Variants in SNTG2 observed in about 807,000 individuals in gnomAD.
SNTG2 encodes the protein syntrophin gamma 2.
Under a neutral mutation model 70.9 loss-of-function variants are expected in SNTG2, and 74 were observed. The ratio of observed to expected loss-of-function variants is 1.04; its 90% CI spans 0.86 to 1.27. The LOEUF (loss-of-function observed/expected upper bound fraction) is 1.27. Ranked by LOEUF, SNTG2 falls within the 50% of genes most tolerant of loss-of-function variation. The pLI is 0.00. For synonymous variants in SNTG2, 278 were observed against 273.8 expected, an observed-to-expected ratio of 1.02 and a Z score of -0.15; for missense variants, 717 against 690.7, an observed-to-expected ratio of 1.04 and a Z score of -0.43.
chr2:1,018,230 G>A (rs913357164), intron 1 of SNTG2, among the ~76,000 whole-genome samples: 2 of 152,094 alleles, frequency 1.3e-5, no homozygotes, highest in African/African-American at 2.4e-5. Context: ...TGGCTCTTAC[G>A]TTCTGTTCAG....
At chr2:1,060,596 G>A (rs1662756408) in intron 1 of SNTG2, among the ~76,000 whole-genome samples, 1 of 152,230 alleles carries the variant, frequency 6.6e-6, no homozygotes. Context: ...AGTGACAGGT[G>A]TAAAGGGCAG....
intron 1 of SNTG2, among the ~76,000 whole-genome samples, chr2:967,423 G>A (rs1660603633): frequency 6.6e-6 from 1 of 152,182 alleles, no homozygotes; most frequent in African/African-American, 2.4e-5. Context: ...TTTATCAGGA[G>A]TGGATGTTGA....
At position 1,237,763 on chromosome 2, in the gene SNTG2, G is replaced by A. The variant is rs1448508625; in HGVS notation, c.720-125G>A. ...TGACTGTACTGAGGCGCCTGAGGAA[G>A]TGGTGCAGTTGCCCCATGTCCTGGG... is the stretch of plus-strand genomic sequence containing the variant. On this transcript the variant is annotated intron_variant, in intron 9 of 16. Coordinates refer to ENST00000308624, the MANE Select transcript of SNTG2 (RefSeq NM_018968.4). 2.2e-5 allele frequency: 27 copies of A among 1,222,114 alleles called. No individual in the cohort carries two copies. In the South Asian group the frequency reaches 3.0e-4, roughly 14 times the overall value. The allele number at this position is 1,222,114 out of a possible 1,614,324, so 75.7% of individuals were successfully genotyped here. A position where few individuals can be genotyped will look rare whatever the true frequency, so the allele number is the denominator to read the frequency against.
intron 4 of SNTG2, among the ~76,000 whole-genome samples, chr2:1,105,471 C>T (rs1470575056): frequency 6.6e-6 from 1 of 152,214 alleles, no homozygotes; most frequent in Non-Finnish European, 1.5e-5. Flanking sequence ...CCCGCCAAGG[C>T]TCACACGTCA....
At chr2:1,188,222 T>C (rs145576120) in intron 8 of SNTG2, among the ~76,000 whole-genome samples, 169 of 152,170 alleles carry the variant, frequency 1.1e-3, no homozygotes, top group African/African-American at 4.0e-3. Context: ...TTATAATAGG[T>C]ATGCCTAGTA....
chr2:1,066,015 G>T (rs892244478), intron 1 of SNTG2, among the ~76,000 whole-genome samples: 4 of 152,112 alleles, frequency 2.6e-5, no homozygotes, highest in African/African-American at 9.7e-5. Context: ...TTATTAGTTT[G>T]GTGCAAAAGA....
At chr2:1,286,487 T>C (rs1016856757) in intron 14 of SNTG2, among the ~76,000 whole-genome samples, 3 of 152,216 alleles carry the variant, frequency 2.0e-5, no homozygotes, top group African/African-American at 4.8e-5. Context: ...AGCATGAGCC[T>C]ACTGCCACAC....
intron 12 of SNTG2, among the ~76,000 whole-genome samples, chr2:1,250,603 A>C (rs1677698157): frequency 1.0e-5 from 1 of 96,942 alleles, no homozygotes; most frequent in African/African-American, 4.1e-5. Context: ...TCTCTGTCTG[A>C]CTCTATTTCT....
chr2:1,075,245 G>T (rs1467644586), intron 1 of SNTG2, among the ~76,000 whole-genome samples: 1 of 152,200 alleles, frequency 6.6e-6, no homozygotes, highest in Non-Finnish European at 1.5e-5. Context: ...GGCACTGTTG[G>T]CCTCTTGGGA....
At chr2:999,243 A>T (rs1661788253) in intron 1 of SNTG2, among the ~76,000 whole-genome samples, 1 of 152,144 alleles carries the variant, frequency 6.6e-6, no homozygotes, top group Non-Finnish European at 1.5e-5. Flanking sequence ...CTACAAAGCA[A>T]CTAGGGAACA....
chr2:950,877 G>A lies in SNTG2; in HGVS notation c.-120G>A. 2.9e-6 allele frequency: 1 copy of A among 339,438 alleles called. No homozygotes were observed. The highest frequency in any genetic ancestry group is 4.8e-6 in the Non-Finnish European group (1 of 209,938). The allele number at this position is 339,438 out of a possible 1,614,324, so 21.0% of individuals were successfully genotyped here. On this transcript the variant is annotated 5_prime_UTR_variant, in exon 1 of 17. Coordinates refer to ENST00000308624, the MANE Select transcript of SNTG2 (RefSeq NM_018968.4). ...CCTGCGCCCCGGTGGAGCCCGAGCC[G>A]GAGCCGGCAGAGGGGCGCGGGCGCG... is the stretch of plus-strand genomic sequence containing the variant.
chr2:979,346 A>C (rs62106769), intron 1 of SNTG2, among the ~76,000 whole-genome samples: 11,023 of 152,230 alleles, frequency 0.072, 638 homozygotes, highest in South Asian at 0.2. Context: ...ATTCAAGGAG[A>C]TAATTGATTA....
At chr2:982,670 C>T (rs764900485) in intron 1 of SNTG2, among the ~76,000 whole-genome samples, 10 of 152,210 alleles carry the variant, frequency 6.6e-5, no homozygotes, top group South Asian at 4.1e-4. Flanking sequence ...AAAGAAGCAG[C>T]GTGGACAGGA....
chr2:1,066,437 C>G (rs1042722912), intron 1 of SNTG2, among the ~76,000 whole-genome samples: 1 of 151,226 alleles, frequency 6.6e-6, no homozygotes, highest in Non-Finnish European at 1.5e-5. Context: ...GTTCTCGGTG[C>G]GTCTCATCGA....
At chr2:1,165,663 G>T in intron 7 of SNTG2, 28 bp downstream of exon 7, 1 of 1,569,716 alleles carries the variant, frequency 6.4e-7, no homozygotes, top group South Asian at 1.2e-5. Flanking sequence ...AAATGCCAGG[G>T]TGCTGGAGAA....
chr2:981,698 C>T (rs552851703), intron 1 of SNTG2, among the ~76,000 whole-genome samples: 2 of 152,198 alleles, frequency 1.3e-5, no homozygotes, highest in African/African-American at 2.4e-5. Context: ...CACACATATA[C>T]ACATGCACAC....
At chr2:1,222,553 G>A (rs1367883283) in intron 9 of SNTG2, among the ~76,000 whole-genome samples, 1 of 86,260 alleles carries the variant, frequency 1.2e-5, no homozygotes, top group Non-Finnish European at 2.4e-5. Context: ...TCGCTGTAGA[G>A]GAAAGCGGTG....
At chr2:1,326,132 C>T (rs1349511316) in intron 16 of SNTG2, among the ~76,000 whole-genome samples, 1 of 152,016 alleles carries the variant, frequency 6.6e-6, no homozygotes, top group Non-Finnish European at 1.5e-5. Flanking sequence ...TGCACCCAGC[C>T]GGCATATCAG....
At chr2:1,047,731 T>C (rs938457808) in intron 1 of SNTG2, among the ~76,000 whole-genome samples, 1 of 152,216 alleles carries the variant, frequency 6.6e-6, no homozygotes, top group Non-Finnish European at 1.5e-5. Flanking sequence ...GGTTCCTTTT[T>C]ATTTCCTCAT....
Sources: allele counts gnomAD v4.1 joint callset (sites outside exome capture counted in the v4.1 genomes callset), GRCh38; gene constraint gnomAD v4.1.1; transcripts MANE v1.5; gene names NCBI Gene and HGNC (gene_info 2026-07-23, HGNC 2026-07-21).